Variants in MBTPS2 observed in about 807,000 individuals in gnomAD.
MBTPS2 encodes the protein membrane-bound transcription factor site-2 protease.
Under a neutral mutation model 35.4 loss-of-function variants are expected in MBTPS2, and 2 were observed. The observed-to-expected ratio is 0.06, with a 90% CI of 0.02 to 0.18. The LOEUF (loss-of-function observed/expected upper bound fraction) is 0.18, where lower values mean the gene tolerates loss of function less well. MBTPS2 is among the 10% of genes least tolerant of loss of function. The probability of loss-of-function intolerance (pLI) is 1.00; values close to 1 mark genes in which losing one functional copy is unlikely to be tolerated. For missense variants in MBTPS2, 244 were observed against 386.5 expected (o/e 0.63, Z 3.09); for synonymous variants, 125 against 140.4 (o/e 0.89, Z 0.77).
chrX:21,882,351 C>A, intron 10 of MBTPS2, 82 bp from the exon 11 acceptor site: 1 of 711,529 alleles, frequency 1.4e-6, no homozygotes, highest in Non-Finnish European at 2.3e-6. Flanking sequence ...AATTCAGTCA[C>A]AGTAAAATAT....
At chrX:21,880,995 T>C (rs2092958689) in intron 10 of MBTPS2, 23 bp downstream of exon 10, 6 of 1,102,479 alleles carry the variant, frequency 5.4e-6, no homozygotes, top group Admixed American at 2.2e-5. Flanking sequence ...GTGTGAAACA[T>C]GTTTTAAAAG....
intron 2 of MBTPS2, 114 bp downstream of exon 2, chrX:21,843,432 G>A: frequency 1.3e-6 from 1 of 778,980 alleles, no homozygotes; most frequent in South Asian, 2.4e-5. Context: ...TTAAAATATT[G>A]ACAATATTAA....
intron 5 of MBTPS2, among the ~76,000 whole-genome samples, chrX:21,862,734 C>A (rs1192979516): frequency 9.7e-6 from 1 of 103,479 alleles, no homozygotes; most frequent in Non-Finnish European, 2.0e-5. Flanking sequence ...TGGCGTGAAC[C>A]CGGGAGGCGG....
chrX:21,847,047 A>T (rs2092909411), intron 3 of MBTPS2, among the ~76,000 whole-genome samples: 1 of 111,853 alleles, frequency 8.9e-6, no homozygotes, highest in African/African-American at 3.2e-5. Context: ...GTGAGGCTGG[A>T]GGGAGAAGGA....
intron 5 of MBTPS2, among the ~76,000 whole-genome samples, chrX:21,863,249 C>A (rs1372516613): frequency 7.6e-5 from 6 of 78,736 alleles, no homozygotes; most frequent in African/African-American, 3.0e-4. Flanking sequence ...GCCTGGGCGA[C>A]AGTGAGACTG....
At position 21,885,062 on chromosome X, in the gene MBTPS2, A is replaced by G; in HGVS notation, c.*2407A>G. ...AGTGTTCCTACTCTGCATTGTTTAC[A>G]TTTTTGACAGTTTTTTTTAATCACC... is the stretch of plus-strand genomic sequence containing the variant. On this transcript the variant is annotated 3_prime_UTR_variant, in exon 11 of 11. Coordinates refer to ENST00000379484, the MANE Select transcript of MBTPS2 (RefSeq NM_015884.4). 2 of 752,353 alleles carry G rather than the reference A, an allele frequency of 2.7e-6. No individual in the cohort carries two copies. The highest frequency in any genetic ancestry group is 3.1e-6 in the Non-Finnish European group (2 of 637,778). The allele number at this position is 752,353 out of a possible 1,213,427, so 62.0% of individuals were successfully genotyped here.
chrX:21,856,480 C>T (rs1253134081), intron 5 of MBTPS2: 11 of 1,200,012 alleles, frequency 9.2e-6, no homozygotes, highest in Admixed American at 2.2e-5. Flanking sequence ...AACTAACTCT[C>T]AGCCATGGCC....
intron 5 of MBTPS2, chrX:21,857,496 G>A (rs777166349): frequency 9.9e-6 from 12 of 1,210,469 alleles, no homozygotes; most frequent in Non-Finnish European, 1.0e-5. Context: ...CCACACCGGC[G>A]ATAAGCCCTT....
chrX:21,840,166 T>C (rs1247664527), intron 1 of MBTPS2, among the ~76,000 whole-genome samples: 1 of 112,565 alleles, frequency 8.9e-6, no homozygotes, highest in African/African-American at 3.2e-5. Context: ...TGCTTTCCCT[T>C]ATTGTTTTTA....
chrX:21,875,581 C>A lies in MBTPS2; in HGVS notation c.971-2461C>A, dbSNP rs1351949005. On this transcript the variant is annotated intron_variant, in intron 7 of 10. Coordinates refer to ENST00000379484, the MANE Select transcript of MBTPS2 (RefSeq NM_015884.4). The stretch of plus-strand genomic sequence containing the variant: ...AGAAAAGTTAGTAATTAAGCATCAG[C>A]TGTAAACATTTTAAGATCATTACTG... 2.7e-5 allele frequency among the ~76,000 whole-genome samples: 3 copies of A among 112,503 alleles called. No homozygotes were observed. The Admixed American group carries it at 2.8e-4, about 11-fold the overall frequency.
intron 7 of MBTPS2, 44 bp from the exon 8 acceptor site, chrX:21,877,998 A>G (rs758867793): frequency 5.7e-6 from 5 of 882,247 alleles, no homozygotes; most frequent in Non-Finnish European, 8.3e-6. Flanking sequence ...TTACAAATGT[A>G]TTTTTATATA....
At chrX:21,853,334 T>C in intron 4 of MBTPS2, 42 bp from the exon 5 acceptor site, 1 of 987,468 alleles carries the variant, frequency 1.0e-6, no homozygotes, top group Non-Finnish European at 1.4e-6. Flanking sequence ...TTGATAAATA[T>C]AATAGTATTA....
intron 5 of MBTPS2, among the ~76,000 whole-genome samples, chrX:21,855,104 CGTAATTA>C (rs1161017381): frequency 9.1e-6 from 1 of 109,615 alleles, no homozygotes; most frequent in Admixed American, 9.7e-5. Flanking sequence ...GAAATGATGA[CGTAATTA>C]GTAAGGATAT....
intron 5 of MBTPS2, among the ~76,000 whole-genome samples, chrX:21,867,840 C>T (rs2092942260): frequency 9.0e-6 from 1 of 110,707 alleles, no homozygotes; most frequent in African/African-American, 3.3e-5. Flanking sequence ...AGGGTTTCAC[C>T]ATGTTGGCCA....
Position 21,882,636 on chromosome X carries a change from G to T in MBTPS2, c.1541G>T (p.Trp514Leu). 3 of 1,211,093 alleles carry T rather than the reference G, an allele frequency of 2.5e-6. No individual in the cohort carries two copies. The highest frequency in any genetic ancestry group is 3.4e-6 in the Non-Finnish European group (3 of 894,901). Residue 514 changes from tryptophan (W) to leucine (L), a missense_variant, in exon 11 of 11, where the codon TGG (tryptophan) becomes TTG (leucine). By Grantham distance (61) the Trp-to-Leu change is moderately conservative. Transcript: ENST00000379484. ...GCTGCCAATGTGACCCTGGGACTCT[G>T]GATGGTTACAGCACGGTAATGTTTG... ...LLAANVTLGLWMVTAR is the reference protein window; with the variant it reads ...LLAANVTLGLLMVTAR
At chrX:21,866,741 T>G (rs925898540) in intron 5 of MBTPS2, among the ~76,000 whole-genome samples, 3 of 110,879 alleles carry the variant, frequency 2.7e-5, no homozygotes, top group Non-Finnish European at 5.7e-5. Flanking sequence ...GAAATCCTAA[T>G]GTGGGCCAGG....
In MBTPS2 at chrX:21,869,641, T is replaced by C. The variant is rs772548956; in HGVS notation, c.933T>C (p.Ser311=). 6.6e-6 allele frequency: 8 copies of C among 1,208,706 alleles called. No homozygotes were observed. The highest frequency in any genetic ancestry group is 2.2e-5 in the Admixed American group (1 of 45,722). ...AYEPQIGYCI[S]ASTLQQLSFP... is the part of the protein sequence containing the mutation. Reference sequence around the variant, plus strand: ...AGCCCCAAATTGGTTACTGTATAAGTGCATCAACTTTACAGCAGTTAAGTT... The same window carrying C: ...AGCCCCAAATTGGTTACTGTATAAGCGCATCAACTTTACAGCAGTTAAGTT... The change falls in exon 7 of 11, where the codon AGT becomes AGC. Residue 311 remains serine, a synonymous_variant. Coordinates refer to ENST00000379484, the MANE Select transcript of MBTPS2 (RefSeq NM_015884.4).
chrX:21,872,666 G>A (rs1005833072), intron 7 of MBTPS2: 2 of 109,491 alleles, frequency 1.8e-5, no homozygotes, highest in African/African-American at 6.6e-5. Flanking sequence ...CAGTTTAAAG[G>A]AGTATTAATG....
At chrX:21,875,373 A>G (rs1602152638) in intron 7 of MBTPS2, among the ~76,000 whole-genome samples, 1 of 112,082 alleles carries the variant, frequency 8.9e-6, no homozygotes, top group Admixed American at 9.5e-5. Context: ...CTAACCCCCT[A>G]GAACAGGCCA....
Sources: gnomAD v4.1 joint callset for allele counts (sites outside exome capture counted in the v4.1 genomes callset) on GRCh38, gnomAD v4.1.1 for gene constraint, MANE v1.5 for transcripts, NCBI Gene and HGNC (gene_info 2026-07-23, HGNC 2026-07-21) for gene names.